The following ZNF385D variants were observed in gnomAD, a reference collection of about 807,000 sequenced individuals.
The protein encoded by ZNF385D is zinc finger protein 659.
Under a neutral mutation model 35.8 loss-of-function variants are expected in ZNF385D, and 15 were observed. The observed-to-expected ratio is 0.42, with a 90% CI of 0.28 to 0.64. The LOEUF is 0.64. ZNF385D is among the 30% of genes least tolerant of loss of function. The pLI is 0.23. For synonymous variants in ZNF385D, 212 were observed against 186.8 expected (o/e 1.13, Z -1.10); for missense variants, 474 against 494.6 (o/e 0.96, Z 0.39).
At chr3:22,065,222 G>T (rs1468561985) in intron 3 of ZNF385D, among the ~76,000 whole-genome samples, 1 of 152,140 alleles carries the variant, frequency 6.6e-6, no homozygotes, top group African/African-American at 2.4e-5. Flanking sequence ...CTCCTCGTAG[G>T]ACTGGGCAGA....
At chr3:21,573,153 G>T (rs889035966) in intron 2 of ZNF385D, among the ~76,000 whole-genome samples, 3 of 151,932 alleles carry the variant, frequency 2.0e-5, no homozygotes, top group Non-Finnish European at 2.9e-5. Context: ...CAAACAAAAA[G>T]GTGAAAAGGA....
At chr3:22,267,865 C>T (rs1402613064) in intron 2 of ZNF385D, among the ~76,000 whole-genome samples, 1 of 151,816 alleles carries the variant, frequency 6.6e-6, no homozygotes, top group Non-Finnish European at 1.5e-5. Context: ...CAATAAAAAT[C>T]ATTGATGGAA....
intron 3 of ZNF385D, among the ~76,000 whole-genome samples, chr3:21,956,406 G>T (rs1395773897): frequency 6.7e-6 from 1 of 149,024 alleles, no homozygotes; most frequent in East Asian, 2.0e-4. Flanking sequence ...GAAGATAAAG[G>T]TATGTTTAAA....
intron 2 of ZNF385D, among the ~76,000 whole-genome samples, chr3:21,636,525 G>A (rs1044272629): frequency 6.6e-6 from 1 of 150,932 alleles, no homozygotes; most frequent in Non-Finnish European, 1.5e-5. Context: ...GAAGAACTTG[G>A]AGTCTGACGT....
At chr3:22,227,440 A>T (rs1698628702) in intron 2 of ZNF385D, among the ~76,000 whole-genome samples, 4 of 152,214 alleles carry the variant, frequency 2.6e-5, no homozygotes, top group African/African-American at 9.6e-5. Context: ...AGAAAGACCA[A>T]GAAGAATCTG....
At chr3:21,553,650 T>G (rs986113929) in intron 3 of ZNF385D, among the ~76,000 whole-genome samples, 3 of 152,204 alleles carry the variant, frequency 2.0e-5, no homozygotes, top group Non-Finnish European at 4.4e-5. Flanking sequence ...AAATGCTGTT[T>G]GATAGCATTT....
At chr3:21,737,466 TACACAC>T (rs1553648227) in intron 1 of ZNF385D, among the ~76,000 whole-genome samples, 10 of 149,072 alleles carry the variant, frequency 6.7e-5, no homozygotes, top group Non-Finnish European at 1.0e-4. Flanking sequence ...GGGATATATA[TACACAC>T]ACACACACAC....
chr3:22,216,347 A>G (rs980745045), intron 2 of ZNF385D, among the ~76,000 whole-genome samples: 5 of 152,022 alleles, frequency 3.3e-5, no homozygotes, highest in Admixed American at 1.3e-4. Context: ...TAACAATACT[A>G]CCATTATGGA....
intron 3 of ZNF385D, among the ~76,000 whole-genome samples, chr3:21,864,325 G>T (rs1308002591): frequency 6.6e-6 from 1 of 152,080 alleles, no homozygotes; most frequent in Non-Finnish European, 1.5e-5. Flanking sequence ...GGTAAAAAGG[G>T]AATGCAGCGG....
intron 4 of ZNF385D, among the ~76,000 whole-genome samples, chr3:21,452,806 G>A (rs1003345309): frequency 6.6e-6 from 1 of 151,844 alleles, no homozygotes; most frequent in Non-Finnish European, 1.5e-5. Context: ...ATATTCAATG[G>A]AATCCCTATC....
At position 21,849,220 on chromosome 3, in the gene ZNF385D, T is replaced by C. The variant is rs939564335; in HGVS notation, c.326-184192A>G. 2.6e-5 allele frequency among the ~76,000 whole-genome samples: 4 copies of C among 152,248 alleles called. No homozygotes were observed. The East Asian group carries it at 7.7e-4, about 29-fold the overall frequency. Reference sequence around the variant, plus strand: ...AAACACTAACATCAAAGTAAATTTTTTTCTTCATATGTAACTCTACTTCAT... The same window carrying C: ...AAACACTAACATCAAAGTAAATTTTCTTCTTCATATGTAACTCTACTTCAT... On this transcript the variant is annotated intron_variant, in intron 3 of 5. Coordinates refer to the ZNF385D transcript ENST00000494108.
chr3:21,611,516 C>T (rs1251451501), intron 2 of ZNF385D, among the ~76,000 whole-genome samples: 1 of 152,218 alleles, frequency 6.6e-6, no homozygotes, highest in Non-Finnish European at 1.5e-5. Context: ...GGCTGATCTT[C>T]ACTTTATTTT....
intron 3 of ZNF385D, among the ~76,000 whole-genome samples, chr3:21,526,861 G>C (rs993156037): frequency 6.6e-6 from 1 of 152,138 alleles, no homozygotes. Context: ...TGACGCGATC[G>C]TTCTTAACTG....
chr3:21,921,101 T>C (rs992749488), intron 3 of ZNF385D, among the ~76,000 whole-genome samples: 1 of 151,402 alleles, frequency 6.6e-6, no homozygotes, highest in Admixed American at 6.6e-5. Context: ...CGGGCGCCTG[T>C]AGTCCCAGCT....
chr3:22,293,273 G>C (rs1196010185), intron 2 of ZNF385D, among the ~76,000 whole-genome samples: 1 of 152,056 alleles, frequency 6.6e-6, no homozygotes, highest in South Asian at 2.1e-4. Context: ...AAATATATTG[G>C]AAACCTTTGC....
chr3:21,900,446 A>G (rs531419085), intron 3 of ZNF385D, among the ~76,000 whole-genome samples: 32 of 152,216 alleles, frequency 2.1e-4, no homozygotes, highest in Admixed American at 8.5e-4. Flanking sequence ...TTACAATAAT[A>G]TATCTTTGCT....
intron 3 of ZNF385D, among the ~76,000 whole-genome samples, chr3:22,065,530 T>C (rs1004760871): frequency 1.3e-5 from 2 of 152,074 alleles, no homozygotes; most frequent in Non-Finnish European, 2.9e-5. Flanking sequence ...GAGTGTACAA[T>C]AGCATCCAGA....
intron 3 of ZNF385D, among the ~76,000 whole-genome samples, chr3:22,108,671 T>C (rs1380603275): frequency 6.6e-6 from 1 of 152,136 alleles, no homozygotes; most frequent in Non-Finnish European, 1.5e-5. Context: ...TGAACGTAGT[T>C]TATAATTACT....
chr3:21,897,388 A>C (rs1217067189), intron 3 of ZNF385D, among the ~76,000 whole-genome samples: 2 of 152,172 alleles, frequency 1.3e-5, no homozygotes, highest in Admixed American at 1.3e-4. Context: ...GCTTCTTCTG[A>C]GTATCCGTAG....
Sources: gnomAD v4.1 joint callset for allele counts (sites outside exome capture counted in the v4.1 genomes callset) on GRCh38, gnomAD v4.1.1 for gene constraint, MANE v1.5 for transcripts, NCBI Gene and HGNC (gene_info 2026-07-23, HGNC 2026-07-21) for gene names.